The following SP140 variants were observed in gnomAD, a reference collection of about 807,000 sequenced individuals.
The protein encoded by SP140 is SP140 nuclear body protein, also known as nuclear body protein SP140.
SP140 carries 81 observed loss-of-function variants against 125.0 expected under a neutral mutation model. That is an observed-to-expected ratio of 0.65 (90% CI 0.54 to 0.78). SP140 has a LOEUF of 0.78. Ranked by LOEUF, SP140 falls within the 30% of genes least tolerant of loss-of-function variation. The pLI is 0.00. For missense variants in SP140, 858 were observed against 1,037.0 expected, an observed-to-expected ratio of 0.83 and a Z score of 2.37; for synonymous variants, 312 against 354.0, an observed-to-expected ratio of 0.88 and a Z score of 1.33.
At chr2:230,230,624 A>C (rs1216518742) in intron 1 of SP140, 1 of 152,284 alleles carries the variant, frequency 6.6e-6, no homozygotes, top group African/African-American at 2.4e-5. Context: ...CCCAGGAATG[A>C]GCAAGGACAG....
At chr2:230,221,636 C>T, upstream of SP140, 3 of 1,410,706 alleles carry the variant, frequency 2.1e-6, no homozygotes, top group Non-Finnish European at 2.9e-6. Flanking sequence ...ACATACAGCG[C>T]TGTGATGCAG....
chr2:230,294,167 C>T (rs1166580357), intron 20 of SP140, 104 bp from the exon 21 acceptor site: 1 of 850,760 alleles, frequency 1.2e-6, no homozygotes, highest in Non-Finnish European at 2.0e-6. Context: ...TTTGAGCTGG[C>T]AGTGGAACAC....
chr2:230,265,611 C>T (rs944806940), intron 12 of SP140, among the ~76,000 whole-genome samples: 1 of 152,166 alleles, frequency 6.6e-6, no homozygotes, highest in East Asian at 1.9e-4. Context: ...ACCTCCCAGG[C>T]CCTTTCCGCT....
chr2:230,248,501 CA>C (rs2049845257), intron 8 of SP140, among the ~76,000 whole-genome samples: 1 of 151,880 alleles, frequency 6.6e-6, no homozygotes, highest in Non-Finnish European at 1.5e-5. Flanking sequence ...GAAGGGAAAT[CA>C]TGGAAACACA....
chr2:230,244,187 A>T (rs1056489873), intron 5 of SP140, among the ~76,000 whole-genome samples: 2 of 152,214 alleles, frequency 1.3e-5, no homozygotes, highest in Non-Finnish European at 2.9e-5. Flanking sequence ...TTTTTGCCAA[A>T]TATTTTCCAT....
At position 230,290,648 on chromosome 2, in the gene SP140, C is replaced by G; in HGVS notation, c.1825+84C>G. On this transcript the variant is annotated intron_variant, in intron 19 of 26. Coordinates refer to ENST00000392045, the MANE Select transcript of SP140 (RefSeq NM_007237.5). ...GGGAATTATCATGTGAATTACACAT[C>G]ATTCAAGGAGTTTGGTCCCAGTTTG... 2.6e-6 allele frequency: 3 copies of G among 1,168,814 alleles called. No homozygotes were observed. In the Admixed American group the frequency reaches 6.4e-5, roughly 25 times the overall value. The allele number at this position is 1,168,814 out of a possible 1,614,324, so 72.4% of individuals were successfully genotyped here. A position where few individuals can be genotyped will look rare whatever the true frequency, so the allele number is the denominator to read the frequency against.
At chr2:230,224,661 C>G (rs2046118748), upstream of SP140, among the ~76,000 whole-genome samples, 1 of 152,170 alleles carries the variant, frequency 6.6e-6, no homozygotes, top group East Asian at 1.9e-4. Flanking sequence ...TTCTTGCACT[C>G]TGTATTTTGC....
chr2:230,212,474 G>A, intron 1 of SP140: 1 of 1,436,032 alleles, frequency 7.0e-7, no homozygotes, highest in South Asian at 1.1e-5. Context: ...GGGACTGGAT[G>A]TCAGGGAGAA....
chr2:230,227,206 G>A (rs894818077), intron 1 of SP140, among the ~76,000 whole-genome samples: 1 of 152,200 alleles, frequency 6.6e-6, no homozygotes, highest in Non-Finnish European at 1.5e-5. Context: ...TACTTCTGGC[G>A]CTGGTACAGC....
In SP140 at chr2:230,269,823, C is replaced by T. The variant is rs779400914; in HGVS notation, c.1328-14C>T. ...TCAAACTGAAAGTCTTCATGAATCA[C>T]AATTTTGGCCCAGGAGCGGAGCAAT... On this transcript the variant is annotated splice_polypyrimidine_tract_variant and intron_variant, in intron 13 of 26. Coordinates refer to ENST00000392045, the MANE Select transcript of SP140 (RefSeq NM_007237.5). The T allele has an allele frequency of 1.3e-6, 2 of 1,595,268 alleles. No individual in the cohort carries two copies. Among genetic ancestry groups the T allele is most frequent in the East Asian group, 2.2e-5 (1 of 44,788 alleles).
At chr2:230,225,977 C>A in intron 1 of SP140, 74 bp downstream of exon 1, 2 of 1,173,958 alleles carry the variant, frequency 1.7e-6, no homozygotes, top group Non-Finnish European at 2.5e-6. Flanking sequence ...TATTTAATGT[C>A]TACCCAGCTT....
chr2:230,271,925 C>T (rs1339497402), intron 15 of SP140, among the ~76,000 whole-genome samples: 2 of 152,024 alleles, frequency 1.3e-5, no homozygotes, highest in African/African-American at 4.8e-5. Context: ...ACTCATAAGT[C>T]CCTCAGCCAT....
At chr2:230,309,705 G>A (rs6707578) in intron 22 of SP140, among the ~76,000 whole-genome samples, 63,608 of 152,064 alleles carry the variant, frequency 0.42, 13,582 homozygotes, top group Middle Eastern at 0.49. Context: ...TCATAAGGAA[G>A]ACTTTTCAAT....
chr2:230,190,623 A>C, the SP140 span, among the ~76,000 whole-genome samples: 2 of 151,960 alleles, frequency 1.3e-5, no homozygotes, highest in African/African-American at 2.4e-5. Flanking sequence ...TATCATGAAG[A>C]CTTTGCCCAT....
chr2:230,308,282 A>G (rs142644398), intron 22 of SP140, among the ~76,000 whole-genome samples: 2,641 of 152,196 alleles, frequency 0.017, 102 homozygotes, highest in African/African-American at 0.061. Flanking sequence ...CACATTGGGT[A>G]CAGCGTACAC....
intron 12 of SP140, among the ~76,000 whole-genome samples, chr2:230,261,620 A>T (rs2052264626): frequency 6.6e-6 from 1 of 152,178 alleles, no homozygotes; most frequent in African/African-American, 2.4e-5. Context: ...ACCTTAAGGT[A>T]TGTCTCTTGT....
intron 6 of SP140, among the ~76,000 whole-genome samples, chr2:230,245,595 A>T (rs2049319493): frequency 6.6e-6 from 1 of 152,188 alleles, no homozygotes; most frequent in African/African-American, 2.4e-5. Context: ...GAGGAAGTCA[A>T]GTCAAAGAGA....
chr2:230,302,513 G>C (rs892841213), intron 22 of SP140, among the ~76,000 whole-genome samples: 3 of 152,198 alleles, frequency 2.0e-5, no homozygotes, highest in Non-Finnish European at 4.4e-5. Context: ...AAGACAGAAA[G>C]TCAACCAAGA....
chr2:230,267,122 A>G (rs1218935621), intron 12 of SP140, among the ~76,000 whole-genome samples: 1 of 152,254 alleles, frequency 6.6e-6, no homozygotes, highest in Admixed American at 6.5e-5. Context: ...TATCTTTATC[A>G]AGTGAGACAT....
Sources: allele counts gnomAD v4.1 joint callset (sites outside exome capture counted in the v4.1 genomes callset), GRCh38; gene constraint gnomAD v4.1.1; transcripts MANE v1.5; gene names NCBI Gene and HGNC (gene_info 2026-07-23, HGNC 2026-07-21).